The following PDCD5 variants were observed in gnomAD, a reference collection of about 807,000 sequenced individuals.
The protein encoded by PDCD5 is programmed cell death 5.
A neutral mutation model predicts 21.9 loss-of-function variants in PDCD5; 23 were observed. That is an observed-to-expected ratio of 1.05 (90% CI 0.76 to 1.49). PDCD5 has a LOEUF of 1.49. Ranked by LOEUF, PDCD5 falls within the 40% of genes most tolerant of loss-of-function variation. PDCD5 has a pLI of 0.00. For missense variants in PDCD5, 152 were observed against 147.7 expected (o/e 1.03, Z -0.15); for synonymous variants, 45 against 49.4 (o/e 0.91, Z 0.37).
At position 32,586,930 on chromosome 19, in the gene PDCD5, G is replaced by C; in HGVS notation, c.330+1G>C. The C allele has an allele frequency of 6.2e-7, 1 of 1,607,904 alleles. No individual in the cohort carries two copies. Among genetic ancestry groups the C allele is most frequent in the Non-Finnish European group, 8.5e-7 (1 of 1,175,864 alleles). On this transcript the variant is annotated splice_donor_variant, in intron 5 of 5. Transcript: ENST00000590247. LOFTEE classifies it high-confidence loss of function. The stretch of plus-strand genomic sequence containing the variant: ...AACAGAAAAGACAACAACAGTGAAA[G>C]TAAGTGTCCCCAGATGCTTGTGGCA...
chr19:32,582,181 T>G lies in PDCD5; in HGVS notation c.67-14T>G, dbSNP rs201217974. On this transcript the variant is annotated splice_polypyrimidine_tract_variant and intron_variant, in intron 1 of 5. Transcript: ENST00000590247. ...GTGAAATTTCTCTATTAAATTTAAG[T>G]TTTTTTTTTCCAGGATCCTGGTGAT... 6.8e-5 allele frequency: 88 copies of G among 1,297,028 alleles called. 1 individual carries two copies. Among genetic ancestry groups the G allele is most frequent in the South Asian group, 2.9e-4 (22 of 75,934 alleles). 80.3% of individuals were successfully genotyped at this position (1,297,028 alleles called of 1,614,324 possible). A position where few individuals can be genotyped will look rare whatever the true frequency, so the allele number is the denominator to read the frequency against.
intron 2 of PDCD5, among the ~76,000 whole-genome samples, chr19:32,582,693 T>TA (rs1361321334): frequency 2.6e-5 from 4 of 152,250 alleles, no homozygotes; most frequent in Non-Finnish European, 5.9e-5. Flanking sequence ...TATCATTTTT[T>TA]AAAAATTGTG....
intron 1 of PDCD5, 103 bp from the exon 2 acceptor site, chr19:32,582,092 A>G (rs1971432724): frequency 1.3e-6 from 1 of 773,090 alleles, no homozygotes; most frequent in Non-Finnish European, 2.2e-6. Context: ...AGTTGTTTCT[A>G]CCACCGCAAG....
chr19:32,585,919 C>T lies in PDCD5; in HGVS notation c.258+12C>T. 1 of 1,613,192 alleles carries T rather than the reference C, an allele frequency of 6.2e-7. No individual in the cohort carries two copies. The highest frequency in any genetic ancestry group is 8.5e-7 in the Non-Finnish European group (1 of 1,179,122). On this transcript the variant is annotated intron_variant, in intron 4 of 5. Coordinates refer to ENST00000590247, the MANE Select transcript of PDCD5 (RefSeq NM_004708.4). ...AACTAAGTGAGAAGGTAAGCTTAGA[C>T]AGCCTTGAGGAACTTTACTGTTACC...
chr19:32,585,302 AACTGGTGATGGGG>A (rs1435411799), intron 3 of PDCD5, among the ~76,000 whole-genome samples: 4 of 152,150 alleles, frequency 2.6e-5, no homozygotes, highest in Admixed American at 6.5e-5. Context: ...ATTTTGTGTC[AACTGGTGATGGGG>A]ACTGGGGATG....
chr19:32,587,443 T>G lies in PDCD5; in HGVS notation c.*143T>G. 1 of 545,060 alleles carries G rather than the reference T, an allele frequency of 1.8e-6. No individual in the cohort carries two copies. Among genetic ancestry groups the G allele is most frequent in the Non-Finnish European group, 3.2e-6 (1 of 316,374 alleles). 33.8% of individuals were successfully genotyped at this position (545,060 alleles called of 1,614,324 possible). ...AAATAAAACATTTGGGTAAGTTGTT[T>G]TAGTATCATAGCCAAGTGGCCAGAT... On this transcript the variant is annotated 3_prime_UTR_variant, in exon 6 of 6. Transcript: ENST00000590247.
chr19:32,584,767 T>C, intron 2 of PDCD5, 183 bp from the exon 3 acceptor site: 1 of 606,748 alleles, frequency 1.6e-6, no homozygotes, highest in South Asian at 2.0e-5. Flanking sequence ...GCTGGTTCTT[T>C]GAGGGCAAAA....
At chr19:32,584,721 T>G (rs1448427472) in intron 2 of PDCD5, 6 of 534,940 alleles carry the variant, frequency 1.1e-5, no homozygotes, top group East Asian at 9.2e-5. Flanking sequence ...AAAGCTCACC[T>G]TCCAGCCTGG....
At chr19:32,581,463 G>T (rs1045860749) in intron 1 of PDCD5, 136 bp downstream of exon 1, 28 of 474,944 alleles carry the variant, frequency 5.9e-5, no homozygotes, top group Non-Finnish European at 9.6e-5. Flanking sequence ...TGGCGGCCTC[G>T]TGGCCGGCTC....
rs1434006678 is a variant in PDCD5 at position 32,586,483 on chromosome 19, C to A, written c.259-375C>A. Reference sequence around the variant, plus strand: ...ATCTTTTCCGAGTGTGACTTACCTCCTTCAAGGGGATGTTTAAGCTTCTCG... The same window carrying A: ...ATCTTTTCCGAGTGTGACTTACCTCATTCAAGGGGATGTTTAAGCTTCTCG... On this transcript the variant is annotated intron_variant, in intron 4 of 5. Transcript: ENST00000590247. The A allele has an allele frequency of 3.6e-6, 4 of 1,100,670 alleles. No individual in the cohort carries two copies. The East Asian group carries it at 2.0e-4, about 55-fold the overall frequency. The allele number at this position is 1,100,670 out of a possible 1,614,324, so 68.2% of individuals were successfully genotyped here.
intron 2 of PDCD5, among the ~76,000 whole-genome samples, chr19:32,582,639 C>T (rs1466492468): frequency 6.6e-6 from 1 of 152,142 alleles, no homozygotes; most frequent in Non-Finnish European, 1.5e-5. Flanking sequence ...GTAATTGATT[C>T]GGTGGCAGGT....
At chr19:32,585,094 G>A in intron 3 of PDCD5, 83 bp downstream of exon 3, 1 of 981,450 alleles carries the variant, frequency 1.0e-6, no homozygotes, top group African/African-American at 1.6e-5. Context: ...GCTATCACTA[G>A]ATGAAATATT....
chr19:32,587,043 A>G (rs10396), intron 5 of PDCD5, 114 bp downstream of exon 5: 1 of 1,034,672 alleles, frequency 9.7e-7, no homozygotes, highest in East Asian at 2.4e-5. Context: ...CCTTTTGTCA[A>G]ACACGTGAAA....
In PDCD5 at chr19:32,581,234, G is replaced by A. The variant is rs751430941; in HGVS notation, c.-28G>A. The A allele has an allele frequency of 9.5e-6, 14 of 1,470,072 alleles. No individual in the cohort carries two copies. Among genetic ancestry groups the A allele is most frequent in the East Asian group, 2.9e-5 (1 of 34,876 alleles). The allele number at this position is 1,470,072 out of a possible 1,614,324, so 91.1% of individuals were successfully genotyped here. On this transcript the variant is annotated 5_prime_UTR_variant, in exon 1 of 6. Coordinates refer to ENST00000590247, the MANE Select transcript of PDCD5 (RefSeq NM_004708.4). Reference sequence around the variant, plus strand: ...GCGCCGAGGGGCTGCGAGAGTGACCGCGGCTGCTCCAGCGCTGACGCCGAG... The same window carrying A: ...GCGCCGAGGGGCTGCGAGAGTGACCACGGCTGCTCCAGCGCTGACGCCGAG...
At chr19:32,582,323 A>AT (rs1312274480) in intron 2 of PDCD5, 91 bp downstream of exon 2, 3 of 1,188,660 alleles carry the variant, frequency 2.5e-6, no homozygotes, top group South Asian at 1.3e-5. Flanking sequence ...TGTGACTCAG[A>AT]TTTTTTTGTT....
chr19:32,585,712 C>T (rs1384030811), intron 3 of PDCD5, 104 bp from the exon 4 acceptor site: 1 of 715,432 alleles, frequency 1.4e-6, no homozygotes, highest in African/African-American at 1.8e-5. Context: ...CACTGAGGGA[C>T]AAGCTTGTGA....
intron 4 of PDCD5, 99 bp from the exon 5 acceptor site, chr19:32,586,759 T>G (rs976774437): frequency 6.8e-7 from 1 of 1,463,300 alleles, no homozygotes; most frequent in Admixed American, 2.7e-5. Context: ...CTGAGCTCTT[T>G]CCCCACACCT....
chr19:32,582,342 A>G, intron 2 of PDCD5, 110 bp downstream of exon 2: 1 of 987,110 alleles, frequency 1.0e-6, no homozygotes, highest in Non-Finnish European at 1.6e-6. Flanking sequence ...TTTTGCTGGA[A>G]TGGTGATTTG....
intron 3 of PDCD5, among the ~76,000 whole-genome samples, chr19:32,585,351 A>G (rs756447617): frequency 1.3e-5 from 2 of 152,106 alleles, no homozygotes; most frequent in Non-Finnish European, 1.5e-5. Flanking sequence ...TTTTATATGT[A>G]TTGTCAGTTT....
Sources: gnomAD v4.1 joint callset for allele counts (sites outside exome capture counted in the v4.1 genomes callset) on GRCh38, gnomAD v4.1.1 for gene constraint, MANE v1.5 for transcripts, NCBI Gene and HGNC (gene_info 2026-07-23, HGNC 2026-07-21) for gene names.